MAP3K13: variants seen among roughly 807,000 people sequenced by gnomAD.
The protein encoded by MAP3K13 is mitogen-activated protein kinase kinase kinase 13.
In MAP3K13, 52 loss-of-function variants were observed where a neutral mutation model predicts 104.0. The observed-to-expected ratio is 0.50, with a 90% CI of 0.40 to 0.63. MAP3K13 has a LOEUF of 0.63. MAP3K13 is among the 20% of genes least tolerant of loss of function. The pLI is 0.00. For synonymous variants in MAP3K13, 394 were observed against 442.2 expected, an observed-to-expected ratio of 0.89 and a Z score of 1.37; for missense variants, 914 against 1,218.5, an observed-to-expected ratio of 0.75 and a Z score of 3.72.
chr3:185,381,916 A>G (rs1724740294), intron 1 of MAP3K13, among the ~76,000 whole-genome samples: 1 of 152,260 alleles, frequency 6.6e-6, no homozygotes, highest in Admixed American at 6.5e-5. Context: ...ATGGCTCAAT[A>G]TTCACTAGTT....
intron 2 of MAP3K13, among the ~76,000 whole-genome samples, chr3:185,326,394 C>G (rs1378328453): frequency 2.0e-5 from 3 of 152,136 alleles, no homozygotes; most frequent in Non-Finnish European, 4.4e-5. Flanking sequence ...CAGGGCACCT[C>G]TGCCCTGGAG....
At chr3:185,401,078 G>T (rs1712783489) in intron 1 of MAP3K13, among the ~76,000 whole-genome samples, 1 of 152,106 alleles carries the variant, frequency 6.6e-6, no homozygotes. Context: ...AAGCTCATGC[G>T]TGCAGGTAGT....
rs766353519 is a variant in MAP3K13 at position 185,437,659 on chromosome 3, G to A, written c.659+29G>A. ...GGTCAAGGCTTTTTTTTTTTAAGAA[G>A]TAGACCTATTTTCTTTCCCCCAATA... On this transcript the variant is annotated intron_variant, in intron 3 of 13. Transcript: ENST00000265026. 14 of 1,550,494 alleles carry A rather than the reference G, an allele frequency of 9.0e-6. No homozygotes were observed. In the South Asian group the frequency reaches 1.5e-4, roughly 16 times the overall value.
chr3:185,291,899 T>G, intron 2 of MAP3K13: 1 of 1,135,460 alleles, frequency 8.8e-7, no homozygotes, highest in Non-Finnish European at 1.1e-6. Flanking sequence ...GAGACAGTGC[T>G]TTCCAAAAAA....
intron 1 of MAP3K13, among the ~76,000 whole-genome samples, chr3:185,387,605 G>A (rs748738200): frequency 2.0e-5 from 3 of 152,032 alleles, no homozygotes; most frequent in Non-Finnish European, 4.4e-5. Flanking sequence ...AAAAATTATT[G>A]ATAAAATTCA....
chr3:185,299,313 C>G (rs1217045143), intron 2 of MAP3K13, among the ~76,000 whole-genome samples: 1 of 152,196 alleles, frequency 6.6e-6, no homozygotes, highest in Non-Finnish European at 1.5e-5. Context: ...GCAGCTAAAA[C>G]TGTAATGAAT....
At chr3:185,319,875 A>G (rs936215031) in intron 2 of MAP3K13, among the ~76,000 whole-genome samples, 17 of 152,208 alleles carry the variant, frequency 1.1e-4, no homozygotes, top group Non-Finnish European at 1.9e-4. Context: ...AGTTGTAGGT[A>G]GTAGGCAATG....
chr3:185,464,342 C>T (rs566119840), intron 8 of MAP3K13, among the ~76,000 whole-genome samples: 14 of 152,130 alleles, frequency 9.2e-5, no homozygotes, highest in Non-Finnish European at 1.8e-4. Flanking sequence ...TATGGTTTGG[C>T]TCTGTGTCTC....
At chr3:185,416,862 A>G (rs1577531269) in intron 1 of MAP3K13, among the ~76,000 whole-genome samples, 3 of 151,602 alleles carry the variant, frequency 2.0e-5, no homozygotes, top group African/African-American at 4.8e-5. Flanking sequence ...GGCTCAAGCA[A>G]TCCTCCCACC....
intron 12 of MAP3K13, 158 bp from the exon 13 acceptor site, chr3:185,480,074 T>C (rs1718356752): frequency 1.4e-6 from 1 of 703,174 alleles, no homozygotes; most frequent in African/African-American, 1.8e-5. Flanking sequence ...ATTGCCTTAA[T>C]GTTAAAAGTT....
rs1304110336 is a variant in MAP3K13, at chr3:185,477,283, T to C, written c.2431-43T>C. ...TGGGGATGGGGTGAGAGAGACAGAG[T>C]GACACTAAAATAAATAAAACTCTTA... On this transcript the variant is annotated intron_variant, in intron 11 of 13. Transcript: ENST00000265026. The C allele has an allele frequency of 7.2e-6, 9 of 1,245,716 alleles. No homozygotes were observed. The Admixed American group carries it at 1.3e-4, about 19-fold the overall frequency. The allele number at this position is 1,245,716 out of a possible 1,614,324, so 77.2% of individuals were successfully genotyped here. A position where few individuals can be genotyped will look rare whatever the true frequency, so the allele number is the denominator to read the frequency against.
At chr3:185,458,068 G>A (rs1560122797) in intron 7 of MAP3K13, among the ~76,000 whole-genome samples, 1 of 152,136 alleles carries the variant, frequency 6.6e-6, no homozygotes, top group African/African-American at 2.4e-5. Context: ...ACAGTTGATT[G>A]TAAGATGTCA....
intron 4 of MAP3K13, among the ~76,000 whole-genome samples, chr3:185,444,180 C>T (rs1022467852): frequency 2.0e-5 from 3 of 151,758 alleles, no homozygotes; most frequent in Admixed American, 6.6e-5. Flanking sequence ...ACTAAAAATA[C>T]AAAAAATCAG....
At chr3:185,343,572 C>A (rs1282508300) in intron 2 of MAP3K13, among the ~76,000 whole-genome samples, 1 of 152,120 alleles carries the variant, frequency 6.6e-6, no homozygotes, top group Non-Finnish European at 1.5e-5. Flanking sequence ...CCTGCCTCAG[C>A]CTCCCGAATA....
rs200564271 is a variant in MAP3K13 at position 185,356,490 on chromosome 3, T to C, written c.-86+70847T>C. Among the ~76,000 whole-genome samples the C allele has an allele frequency of 3.3e-5, 5 of 152,346 alleles. No individual in the cohort carries two copies. In the East Asian group the frequency reaches 7.7e-4, roughly 24 times the overall value. On this transcript the variant is annotated intron_variant, in intron 2 of 14. Transcript: ENST00000424227. ...GACTGAAGTTAGATGTCCAGTGGCC[T>C]TTTTCAGGAATCTGTCTTCTTTCCT... is the stretch of plus-strand genomic sequence containing the variant.
At chr3:185,409,467 A>T (rs937784672) in intron 1 of MAP3K13, among the ~76,000 whole-genome samples, 1 of 152,236 alleles carries the variant, frequency 6.6e-6, no homozygotes, top group African/African-American at 2.4e-5. Flanking sequence ...AATGACTATT[A>T]TCAAAAAGAT....
At chr3:185,352,729 T>C (rs775455517) in intron 2 of MAP3K13, among the ~76,000 whole-genome samples, 1 of 152,220 alleles carries the variant, frequency 6.6e-6, no homozygotes, top group African/African-American at 2.4e-5. Context: ...GATTTATATA[T>C]TGATGTTCAG....
intron 12 of MAP3K13, among the ~76,000 whole-genome samples, chr3:185,478,821 G>A (rs866473827): frequency 1.5e-4 from 22 of 150,636 alleles, no homozygotes; most frequent in African/African-American, 2.4e-4. Context: ...GCAATGAGGC[G>A]AGATGGCACC....
At chr3:185,374,597 C>G (rs961704405) in intron 1 of MAP3K13, among the ~76,000 whole-genome samples, 4 of 151,556 alleles carry the variant, frequency 2.6e-5, no homozygotes, top group Non-Finnish European at 5.9e-5. Flanking sequence ...CCAGGACATC[C>G]AATTAGAGTG....
Sources: gnomAD v4.1 joint callset for allele counts (sites outside exome capture counted in the v4.1 genomes callset) on GRCh38, gnomAD v4.1.1 for gene constraint, MANE v1.5 for transcripts, NCBI Gene and HGNC (gene_info 2026-07-23, HGNC 2026-07-21) for gene names.